The following HTR4 variants were observed in gnomAD, a reference collection of about 807,000 sequenced individuals.
HTR4 encodes the protein 5-hydroxytryptamine receptor 4, also known as 5-hydroxytryptamine (serotonin) receptor 4, G protein-coupled.
A neutral mutation model predicts 36.8 loss-of-function variants in HTR4; 16 were observed. That is an observed-to-expected ratio of 0.43 (90% CI 0.29 to 0.66). HTR4 has a LOEUF of 0.66. Ranked by LOEUF, HTR4 falls within the 30% of genes least tolerant of loss-of-function variation. HTR4 has a pLI of 0.13. For missense variants in HTR4, 438 were observed against 490.9 expected, an observed-to-expected ratio of 0.89 and a Z score of 1.02; for synonymous variants, 189 against 185.1, an observed-to-expected ratio of 1.02 and a Z score of -0.17.
intron 2 of HTR4, 26 bp downstream of exon 2, chr5:148,636,963 A>C: frequency 6.9e-7 from 1 of 1,444,654 alleles, no homozygotes; most frequent in Non-Finnish European, 9.7e-7. Context: ...AGTTTACAAC[A>C]CAATATGTAC....
At chr5:148,556,759 A>T (rs1329387719) in intron 2 of HTR4, among the ~76,000 whole-genome samples, 1 of 152,212 alleles carries the variant, frequency 6.6e-6, no homozygotes, top group Non-Finnish European at 1.5e-5. Flanking sequence ...ACCCCTAGGC[A>T]TTGCTGATGC....
chr5:148,631,156 C>T (rs1753307387), intron 2 of HTR4, among the ~76,000 whole-genome samples: 1 of 152,112 alleles, frequency 6.6e-6, no homozygotes, highest in Admixed American at 6.6e-5. Flanking sequence ...CCAAGTGGCA[C>T]AGGGGTTTTC....
At chr5:148,564,241 T>C (rs1760340645) in intron 2 of HTR4, among the ~76,000 whole-genome samples, 1 of 152,194 alleles carries the variant, frequency 6.6e-6, no homozygotes, top group Non-Finnish European at 1.5e-5. Flanking sequence ...GTTAAACTCC[T>C]TCCTCTCCTT....
intron 5 of HTR4, among the ~76,000 whole-genome samples, chr5:148,521,425 T>C (rs1000697549): frequency 6.6e-6 from 1 of 151,978 alleles, no homozygotes; most frequent in Admixed American, 6.6e-5. Flanking sequence ...AGGAGGGAAC[T>C]CATGCTGCCT....
chr5:148,644,428 T>TG, intron 1 of HTR4, among the ~76,000 whole-genome samples: 1 of 122,386 alleles, frequency 8.2e-6, no homozygotes, highest in Non-Finnish European at 1.6e-5. Flanking sequence ...ACAAGTTTTT[T>TG]TTTTTTTTTT....
In HTR4 at chr5:148,451,236, GA is replaced by G; in HGVS notation, c.1112del (p.Leu371ProfsTer19). 6.2e-7 allele frequency: 1 copy of G among 1,613,870 alleles called. No individual in the cohort carries two copies. The highest frequency in any genetic ancestry group is 8.5e-7 in the Non-Finnish European group (1 of 1,179,840). On this transcript the variant is annotated frameshift_variant, in exon 6 of 6. Coordinates refer to the HTR4 transcript ENST00000521530. LOFTEE classifies it high-confidence loss of function. ...GGTCATTGTGTATGGGCAGTTTCTCGAGTTCCTGATGATGTCCCCTGTGCAG... is the reference window on the plus strand; with the variant it reads ...GGTCATTGTGTATGGGCAGTTTCTCGGTTCCTGATGATGTCCCCTGTGCAG...
chr5:148,582,401 A>G (rs114258095), intron 2 of HTR4, among the ~76,000 whole-genome samples: 1 of 151,930 alleles, frequency 6.6e-6, no homozygotes, highest in African/African-American at 2.4e-5. Flanking sequence ...CATTACCCTG[A>G]TATTGAGCAT....
chr5:148,629,009 G>C (rs1397440384), intron 2 of HTR4: 1 of 151,698 alleles, frequency 6.6e-6, no homozygotes, highest in Non-Finnish European at 1.5e-5. Flanking sequence ...TTTTTAATTA[G>C]GCAATATCTC....
At chr5:148,648,217 T>C (rs191320601) in intron 1 of HTR4, among the ~76,000 whole-genome samples, 1 of 152,254 alleles carries the variant, frequency 6.6e-6, no homozygotes, top group Admixed American at 6.5e-5. Context: ...TTAGAAAAGT[T>C]AAATGAGACA....
chr5:148,471,593 C>T (rs1290422566), intron 5 of HTR4, among the ~76,000 whole-genome samples: 1 of 152,166 alleles, frequency 6.6e-6, no homozygotes, highest in East Asian at 1.9e-4. Context: ...AAAAATGGCA[C>T]TAGAAGACTG....
intron 2 of HTR4, among the ~76,000 whole-genome samples, chr5:148,588,992 A>G (rs1239175051): frequency 6.6e-6 from 1 of 151,988 alleles, no homozygotes; most frequent in East Asian, 1.9e-4. Flanking sequence ...CTGCTTTTTT[A>G]TTCAATGCCA....
intron 2 of HTR4, among the ~76,000 whole-genome samples, chr5:148,589,391 A>G (rs1005293414): frequency 1.3e-5 from 2 of 152,198 alleles, no homozygotes; most frequent in African/African-American, 4.8e-5. Flanking sequence ...TTTGATTTAT[A>G]AAGTTTTGCC....
intron 2 of HTR4, among the ~76,000 whole-genome samples, chr5:148,587,111 A>G (rs888957): frequency 0.56 from 84,843 of 151,818 alleles, 24,533 homozygotes; most frequent in African/African-American, 0.72. Flanking sequence ...TACCTGCTGG[A>G]CCTCTGGAAC....
downstream of HTR4, among the ~76,000 whole-genome samples, chr5:148,476,897 A>T (rs571828906): frequency 1.3e-5 from 2 of 152,340 alleles, no homozygotes; most frequent in Middle Eastern, 3.4e-3. Flanking sequence ...TTCAGGTAGG[A>T]GGTGGTATTT....
At chr5:148,589,407 G>A (rs1761474763) in intron 2 of HTR4, among the ~76,000 whole-genome samples, 1 of 152,122 alleles carries the variant, frequency 6.6e-6, no homozygotes, top group Non-Finnish European at 1.5e-5. Context: ...TTGCCAATAT[G>A]ATGAGTATCA....
chr5:148,499,129 CTT>C (rs1367983701), intron 6 of HTR4, among the ~76,000 whole-genome samples: 1 of 152,110 alleles, frequency 6.6e-6, no homozygotes, highest in Non-Finnish European at 1.5e-5. Flanking sequence ...ACTTGTGTGA[CTT>C]TGGGCATGTT....
At chr5:148,504,998 A>C (rs564159416) in intron 6 of HTR4, among the ~76,000 whole-genome samples, 29 of 152,350 alleles carry the variant, frequency 1.9e-4, no homozygotes, top group African/African-American at 3.6e-4. Context: ...TGAGGCAGTA[A>C]TTAATAGCCT....
intron 4 of HTR4, among the ~76,000 whole-genome samples, chr5:148,529,518 T>C (rs1758449987): frequency 6.6e-6 from 1 of 152,226 alleles, no homozygotes; most frequent in African/African-American, 2.4e-5. Flanking sequence ...CCTTCTGCCA[T>C]GATTGTGAGG....
At chr5:148,563,613 T>A (rs2113870038) in intron 2 of HTR4, among the ~76,000 whole-genome samples, 1 of 152,310 alleles carries the variant, frequency 6.6e-6, no homozygotes. Context: ...GGGTTCCACA[T>A]CCGTAGATTC....
Sources: allele counts gnomAD v4.1 joint callset (sites outside exome capture counted in the v4.1 genomes callset), GRCh38; gene constraint gnomAD v4.1.1; transcripts MANE v1.5; gene names NCBI Gene and HGNC (gene_info 2026-07-23, HGNC 2026-07-21).